The following ENPP6 variants were observed in gnomAD, a reference collection of about 807,000 sequenced individuals.
The protein encoded by ENPP6 is glycerophosphocholine cholinephosphodiesterase ENPP6.
A neutral mutation model predicts 42.0 loss-of-function variants in ENPP6; 32 were observed. The observed-to-expected ratio is 0.76, with a 90% CI of 0.58 to 1.02. The LOEUF (loss-of-function observed/expected upper bound fraction) is 1.02. Among genes scored for constraint, ENPP6 ranks in the 50% least tolerant of loss-of-function variants. The pLI is 0.00. For missense variants in ENPP6, 552 were observed against 566.8 expected (o/e 0.97, Z 0.27); for synonymous variants, 213 against 216.0 (o/e 0.99, Z 0.12).
At chr4:184,175,417 G>A (rs1002112770) in intron 1 of ENPP6, among the ~76,000 whole-genome samples, 1 of 152,168 alleles carries the variant, frequency 6.6e-6, no homozygotes, top group Non-Finnish European at 1.5e-5. Context: ...GGCAGCCATT[G>A]TTTTCATTAA....
intron 2 of ENPP6, among the ~76,000 whole-genome samples, chr4:184,135,991 A>G (rs1169584672): frequency 1.3e-5 from 2 of 152,160 alleles, no homozygotes; most frequent in African/African-American, 4.8e-5. Flanking sequence ...TGTTTAAATC[A>G]GCCAATTAAC....
At chr4:184,098,706 A>G (rs759789674) in intron 6 of ENPP6, among the ~76,000 whole-genome samples, 20 of 152,174 alleles carry the variant, frequency 1.3e-4, no homozygotes, top group Non-Finnish European at 2.8e-4. Flanking sequence ...ATCACTTGCT[A>G]TGAAATAGAG....
chr4:184,125,632 T>C (rs1192044424), intron 2 of ENPP6, among the ~76,000 whole-genome samples: 2 of 152,042 alleles, frequency 1.3e-5, no homozygotes, highest in African/African-American at 4.8e-5. Context: ...TGGCATACTA[T>C]AGCAAGACCT....
intron 1 of ENPP6, among the ~76,000 whole-genome samples, chr4:184,209,581 C>G (rs1338367371): frequency 6.6e-6 from 1 of 151,166 alleles, no homozygotes; most frequent in Non-Finnish European, 1.5e-5. Context: ...AAATATGGGA[C>G]TATGTGAAAA....
At chr4:184,113,905 T>TTCTTTCTTTC (rs1409107521) in intron 5 of ENPP6, among the ~76,000 whole-genome samples, 33 of 101,492 alleles carry the variant, frequency 3.3e-4, no homozygotes, top group African/African-American at 1.1e-3. Context: ...TTTCTTTTCT[T>TTCTTTCTTTC]TCTTTCTTTC....
At chr4:184,201,413 G>C (rs183591834) in intron 1 of ENPP6, among the ~76,000 whole-genome samples, 2 of 152,296 alleles carry the variant, frequency 1.3e-5, no homozygotes, top group East Asian at 3.9e-4. Flanking sequence ...GGGAGGCGGG[G>C]CGGGGGGGTG....
At chr4:184,123,363 G>C (rs961035736) in intron 3 of ENPP6, among the ~76,000 whole-genome samples, 3 of 152,128 alleles carry the variant, frequency 2.0e-5, no homozygotes, top group African/African-American at 7.2e-5. Context: ...TTCTTGGGGG[G>C]ATGAAGGTCC....
rs113969789 is a variant in ENPP6, at chr4:184,147,197, C to T, written c.421+6357G>A. ...AGGGCCATGCCTGTCACCGTCCAAT[C>T]CCTTACTCCCAAATCCAATCCATCA... On this transcript the variant is annotated intron_variant, in intron 2 of 7. Coordinates refer to ENST00000296741, the MANE Select transcript of ENPP6 (RefSeq NM_153343.4). Among the ~76,000 whole-genome samples the T allele has an allele frequency of 1.9e-3, 292 of 152,338 alleles. 2 individuals carry two copies. The highest frequency in any genetic ancestry group is 6.6e-3 in the African/African-American group (275 of 41,570).
intron 1 of ENPP6, among the ~76,000 whole-genome samples, chr4:184,174,518 C>T (rs1303828702): frequency 7.3e-6 from 1 of 136,998 alleles, no homozygotes; most frequent in Non-Finnish European, 1.6e-5. Context: ...GAGCACTGTG[C>T]TGTGAGGGTT....
At chr4:184,130,737 T>C (rs1031213524) in intron 2 of ENPP6, among the ~76,000 whole-genome samples, 11 of 151,438 alleles carry the variant, frequency 7.3e-5, no homozygotes, top group African/African-American at 2.7e-4. Context: ...AGAGAGAGAG[T>C]GGTGACTTTC....
At chr4:184,122,822 G>T (rs749498009) in intron 3 of ENPP6, among the ~76,000 whole-genome samples, 3 of 152,190 alleles carry the variant, frequency 2.0e-5, no homozygotes, top group Non-Finnish European at 2.9e-5. Context: ...CTGTGGGGAT[G>T]GCTGGCATTC....
At chr4:184,151,141 C>A (rs1170765413) in intron 2 of ENPP6, among the ~76,000 whole-genome samples, 1 of 152,180 alleles carries the variant, frequency 6.6e-6, no homozygotes, top group Non-Finnish European at 1.5e-5. Context: ...AGATCAAGAC[C>A]AGCCTGGCCA....
chr4:184,193,683 C>T (rs1049496421), intron 1 of ENPP6, among the ~76,000 whole-genome samples: 1 of 152,120 alleles, frequency 6.6e-6, no homozygotes, highest in African/African-American at 2.4e-5. Context: ...TTGAGATCAC[C>T]ACTATAGATC....
At chr4:184,166,434 G>A (rs1356125799) in intron 1 of ENPP6, among the ~76,000 whole-genome samples, 6 of 152,044 alleles carry the variant, frequency 3.9e-5, no homozygotes, top group Admixed American at 2.0e-4. Context: ...CTGCCAGCTT[G>A]GTGCAATTAT....
chr4:184,100,212 G>GTTT (rs1160574658), intron 6 of ENPP6, among the ~76,000 whole-genome samples: 4 of 152,240 alleles, frequency 2.6e-5, no homozygotes, highest in Non-Finnish European at 2.9e-5. Context: ...ACTGTGTGGT[G>GTTT]TAAGTGATGG....
intron 1 of ENPP6, among the ~76,000 whole-genome samples, chr4:184,198,303 G>A (rs183581228): frequency 7.8e-4 from 119 of 152,326 alleles, no homozygotes; most frequent in Non-Finnish European, 1.4e-3. Context: ...GGTCCCCAAC[G>A]TGGAGACGGT....
chr4:184,091,629 A>G (rs1735803559), intron 7 of ENPP6, among the ~76,000 whole-genome samples: 1 of 152,124 alleles, frequency 6.6e-6, no homozygotes, highest in African/African-American at 2.4e-5. Flanking sequence ...CAGCAGAGCC[A>G]GGCTTGGGGG....
intron 3 of ENPP6, among the ~76,000 whole-genome samples, chr4:184,122,307 G>A (rs539628523): frequency 5.0e-4 from 76 of 152,192 alleles, no homozygotes; most frequent in Non-Finnish European, 1.5e-5. Context: ...GGGCACATTA[G>A]GTGGCAGCCT....
Position 184,091,272 on chromosome 4 carries a change from C to A in ENPP6, c.1228G>T (p.Val410Leu), listed in dbSNP as rs187347918. 2 of 1,613,542 alleles carry A rather than the reference C, an allele frequency of 1.2e-6. No individual in the cohort carries two copies. Among genetic ancestry groups the A allele is most frequent in the East Asian group, 2.2e-5 (1 of 44,864 alleles). The change falls in exon 8 of 8, where the codon GTG becomes TTG. Residue 410 changes from valine (V) to leucine (L), a missense_variant. Around this residue, in one of 2 missense-constraint regions of ENPP6, gnomAD observed 545 missense variants for 546.3 expected, o/e 1.00. Transcript: ENST00000296741. ...PLPNNGSWSR[V>L]MCMLKGRAST... is the part of the protein sequence containing the mutation. ...GCGCGGCCCTTCAGCATGCACATCA[C>A]CCTGGACCAGGATCCGTTGTTGGGC... is the stretch of plus-strand genomic sequence containing the variant.
Sources: allele counts gnomAD v4.1 joint callset (sites outside exome capture counted in the v4.1 genomes callset), GRCh38; gene constraint gnomAD v4.1.1; regional missense constraint gnomAD v4.1.1; transcripts MANE v1.5; gene names NCBI Gene and HGNC (gene_info 2026-07-23, HGNC 2026-07-21).